The following DOK6 variants were observed in gnomAD, a reference collection of about 807,000 sequenced individuals.
The protein encoded by DOK6 is docking protein 6.
A neutral mutation model predicts 44.0 loss-of-function variants in DOK6; 22 were observed. That is an observed-to-expected ratio of 0.50 (90% CI 0.36 to 0.71). The LOEUF is 0.71. DOK6 is among the 30% of genes least tolerant of loss of function. The probability of loss-of-function intolerance (pLI) is 0.00; values close to 1 mark genes in which losing one functional copy is unlikely to be tolerated. For synonymous variants in DOK6, 166 were observed against 145.5 expected (o/e 1.14, Z -1.01); for missense variants, 340 against 416.4 (o/e 0.82, Z 1.60).
intron 3 of DOK6, among the ~76,000 whole-genome samples, chr18:69,657,514 A>G (rs189420025): frequency 1.4e-3 from 212 of 152,326 alleles, no homozygotes; most frequent in Middle Eastern, 3.4e-3. Flanking sequence ...TTGCAGGGCT[A>G]TTTCTTACTA....
At chr18:69,525,216 A>G (rs574549592) in intron 1 of DOK6, among the ~76,000 whole-genome samples, 10 of 151,988 alleles carry the variant, frequency 6.6e-5, no homozygotes, top group African/African-American at 9.6e-5. Flanking sequence ...TTTATTATGC[A>G]TAATAAAATG....
intron 7 of DOK6, among the ~76,000 whole-genome samples, chr18:69,830,943 T>C (rs2145132442): frequency 6.6e-6 from 1 of 152,304 alleles, no homozygotes; most frequent in South Asian, 2.1e-4. Context: ...TTATTTTTTT[T>C]CCACATGTAA....
intron 1 of DOK6, among the ~76,000 whole-genome samples, chr18:69,496,116 G>A (rs996021635): frequency 1.3e-5 from 2 of 152,158 alleles, no homozygotes; most frequent in Admixed American, 6.5e-5. Flanking sequence ...ATCTACCGCC[G>A]TGACTTGGGC....
chr18:69,782,229 T>A lies in DOK6; in HGVS notation c.856+24356T>A. Among the ~76,000 whole-genome samples the A allele has an allele frequency of 2.7e-5, 3 of 110,070 alleles. No homozygotes were observed. In the South Asian group the frequency reaches 8.6e-4, roughly 31 times the overall value. The allele number at this position is 110,070 out of a possible 152,430, so 72.2% of individuals were successfully genotyped here. Reference sequence around the variant, plus strand: ...TCTAAGATTTTTTTTTTTTTTTTTTTGAGATGGTGTCTCGCTCTGTCACCC... The same window carrying A: ...TCTAAGATTTTTTTTTTTTTTTTTTAGAGATGGTGTCTCGCTCTGTCACCC... On this transcript the variant is annotated intron_variant, in intron 7 of 7. Coordinates refer to ENST00000382713, the MANE Select transcript of DOK6 (RefSeq NM_152721.6).
At chr18:69,642,608 A>G (rs1237971803) in intron 3 of DOK6, among the ~76,000 whole-genome samples, 2 of 151,492 alleles carry the variant, frequency 1.3e-5, no homozygotes, top group African/African-American at 4.9e-5. Context: ...TTCTTTTTTT[A>G]TTTCAAAATA....
intron 1 of DOK6, among the ~76,000 whole-genome samples, chr18:69,482,344 T>TCGTATGCCTGCATAGAGATACTCAGTTG (rs1980450215): frequency 6.6e-6 from 1 of 152,154 alleles, no homozygotes; most frequent in African/African-American, 2.4e-5. Flanking sequence ...ATGGGGATTT[T>TCGTATGCCTGCATAGAGATACTCAGTTG]AAACTGGGCT....
At chr18:69,835,186 G>C (rs181702166) in intron 7 of DOK6, among the ~76,000 whole-genome samples, 13 of 152,270 alleles carry the variant, frequency 8.5e-5, no homozygotes, top group Admixed American at 2.0e-4. Flanking sequence ...TTCTGGGCCG[G>C]GCGCGGTGGC....
chr18:69,559,493 T>C lies in DOK6; in HGVS notation c.67-4994T>C, dbSNP rs143529515. On this transcript the variant is annotated intron_variant, in intron 1 of 7. Coordinates refer to ENST00000382713, the MANE Select transcript of DOK6 (RefSeq NM_152721.6). ...TAAAAGATAAAATATTGATAATCTC[T>C]ATACATCCCACTTTGCAGATATCTT... is the stretch of plus-strand genomic sequence containing the variant. Among the ~76,000 whole-genome samples the C allele has an allele frequency of 9.2e-5, 14 of 152,280 alleles. No individual in the cohort carries two copies. In the East Asian group the frequency reaches 2.7e-3, roughly 29 times the overall value.
rs1285509485 is a variant in DOK6 at position 69,847,945 on chromosome 18, C to G, written c.*6562C>G. The G allele has an allele frequency of 2.0e-5, 3 of 151,638 alleles. No homozygotes were observed. The highest frequency in any genetic ancestry group is 7.3e-5 in the African/African-American group (3 of 41,236). The allele number at this position is 151,638 out of a possible 1,614,324, so 9.4% of individuals were successfully genotyped here. A position where few individuals can be genotyped will look rare whatever the true frequency, so the allele number is the denominator to read the frequency against. On this transcript the variant is annotated 3_prime_UTR_variant, in exon 8 of 8. Coordinates refer to ENST00000382713, the MANE Select transcript of DOK6 (RefSeq NM_152721.6). ...CTGCTCCCTGACATAAAAGCCAGTT[C>G]CATCTTTACTGCAGATGACAGGAGA...
At chr18:69,530,059 C>G (rs1981941409) in intron 1 of DOK6, among the ~76,000 whole-genome samples, 1 of 152,032 alleles carries the variant, frequency 6.6e-6, no homozygotes, top group African/African-American at 2.4e-5. Flanking sequence ...TATGCATGAT[C>G]CTATAAAAAG....
intron 7 of DOK6, among the ~76,000 whole-genome samples, chr18:69,802,042 C>A (rs931972210): frequency 6.6e-6 from 1 of 152,022 alleles, no homozygotes; most frequent in Non-Finnish European, 1.5e-5. Context: ...CTTTTTCCTC[C>A]ATCCTATGCA....
chr18:69,718,898 G>A lies in DOK6; in HGVS notation c.600-20067G>A, dbSNP rs552124046. 1.8e-4 allele frequency among the ~76,000 whole-genome samples: 28 copies of A among 151,860 alleles called. 1 individual carries two copies. In the South Asian group the frequency reaches 5.4e-3, roughly 29 times the overall value. ...TGAGTATACTAGATTCTAACAAAAG[G>A]AAAACTGGAATCTCTGCTCTAAATC... is the stretch of plus-strand genomic sequence containing the variant. On this transcript the variant is annotated intron_variant, in intron 5 of 7. Transcript: ENST00000382713.
At chr18:69,809,157 A>G (rs1199109858) in intron 7 of DOK6, among the ~76,000 whole-genome samples, 1 of 151,796 alleles carries the variant, frequency 6.6e-6, no homozygotes, top group African/African-American at 2.4e-5. Flanking sequence ...TACTCACAAC[A>G]TATGCAAATG....
chr18:69,493,222 C>G (rs1980789183), intron 1 of DOK6, among the ~76,000 whole-genome samples: 1 of 151,982 alleles, frequency 6.6e-6, no homozygotes. Flanking sequence ...AAGACATTAC[C>G]TTATTTAATC....
chr18:69,423,029 C>T lies in DOK6; in HGVS notation c.66+21719C>T, dbSNP rs141435998. Among the ~76,000 whole-genome samples, 169 of 152,184 alleles carry T rather than the reference C, an allele frequency of 1.1e-3. 1 individual carries two copies. The highest frequency in any genetic ancestry group is 3.7e-3 in the African/African-American group (155 of 41,518). On this transcript the variant is annotated intron_variant, in intron 1 of 7. Transcript: ENST00000382713. Reference sequence around the variant, plus strand: ...TTTAACATAGAAAAATGTGGCCAGGCGCAGTGGCTCACAGATGTAATCCCG... The same window carrying T: ...TTTAACATAGAAAAATGTGGCCAGGTGCAGTGGCTCACAGATGTAATCCCG...
chr18:69,544,499 A>G (rs1366002730), intron 1 of DOK6, among the ~76,000 whole-genome samples: 2 of 151,594 alleles, frequency 1.3e-5, no homozygotes, highest in African/African-American at 4.8e-5. Context: ...AAAACACTCA[A>G]CAAATGTAAA....
chr18:69,580,557 A>G (rs978345952), intron 2 of DOK6, among the ~76,000 whole-genome samples: 4 of 152,096 alleles, frequency 2.6e-5, no homozygotes, highest in African/African-American at 9.7e-5. Context: ...TTCAATTGAC[A>G]CATAATAATT....
chr18:69,635,441 G>A (rs776597386), intron 3 of DOK6, among the ~76,000 whole-genome samples: 35 of 152,086 alleles, frequency 2.3e-4, no homozygotes, highest in Middle Eastern at 3.4e-3. Flanking sequence ...TGCTCCTTCC[G>A]TAATTGTCCT....
At chr18:69,715,866 G>T (rs1236421646) in intron 5 of DOK6, among the ~76,000 whole-genome samples, 1 of 152,206 alleles carries the variant, frequency 6.6e-6, no homozygotes, top group East Asian at 1.9e-4. Flanking sequence ...TGAAGGAAGT[G>T]ATTGGGGTAT....
Sources: allele counts gnomAD v4.1 joint callset (sites outside exome capture counted in the v4.1 genomes callset), GRCh38; gene constraint gnomAD v4.1.1; transcripts MANE v1.5; gene names NCBI Gene and HGNC (gene_info 2026-07-23, HGNC 2026-07-21).